NAALADL2: variants seen among roughly 807,000 people sequenced by gnomAD.
NAALADL2 encodes the protein N-acetylated alpha-linked acidic dipeptidase like 2.
In NAALADL2, 76 loss-of-function variants were observed where a neutral mutation model predicts 87.2. That is an observed-to-expected ratio of 0.87 (90% CI 0.72 to 1.05). NAALADL2 has a LOEUF of 1.05. NAALADL2 is among the 50% of genes least tolerant of loss of function. The probability of loss-of-function intolerance (pLI) is 0.00; values close to 1 mark genes in which losing one functional copy is unlikely to be tolerated. For synonymous variants in NAALADL2, 354 were observed against 331.0 expected (o/e 1.07, Z -0.75); for missense variants, 1,089 against 945.8 (o/e 1.15, Z -1.99).
intron 2 of NAALADL2, among the ~76,000 whole-genome samples, chr3:175,189,786 T>C (rs1303062091): frequency 6.6e-6 from 1 of 152,138 alleles, no homozygotes; most frequent in East Asian, 1.9e-4. Flanking sequence ...AAAACAGCAT[T>C]TGGGACATTA....
intron 11 of NAALADL2, among the ~76,000 whole-genome samples, chr3:175,638,135 G>A (rs546614381): frequency 5.3e-5 from 8 of 152,148 alleles, no homozygotes; most frequent in South Asian, 2.1e-4. Flanking sequence ...TTATTACCTC[G>A]AATCATAAGA....
intron 2 of NAALADL2, among the ~76,000 whole-genome samples, chr3:174,586,012 A>G (rs1716675468): frequency 1.3e-5 from 2 of 152,204 alleles, no homozygotes; most frequent in African/African-American, 4.8e-5. Context: ...ATATATGAAA[A>G]GTTTCTAGAA....
chr3:174,457,926 G>A (rs932497653), intron 1 of NAALADL2, among the ~76,000 whole-genome samples: 8 of 152,082 alleles, frequency 5.3e-5, no homozygotes, highest in Admixed American at 1.3e-4. Context: ...CTTATAAGTG[G>A]GAGCTAAATA....
chr3:175,393,135 G>A lies in NAALADL2; in HGVS notation c.1091-54094G>A, dbSNP rs532384478. ...TAAAAATACAAAAAATTAGCCGGGC[G>A]CGGTGGCGGGCGCCTGTAGTCCCAG... On this transcript the variant is annotated intron_variant, in intron 5 of 13. Coordinates refer to ENST00000454872, the MANE Select transcript of NAALADL2 (RefSeq NM_207015.3). 6.0e-5 allele frequency among the ~76,000 whole-genome samples: 9 copies of A among 150,680 alleles called. No homozygotes were observed. The East Asian group carries it at 1.2e-3, about 20-fold the overall frequency.
intron 5 of NAALADL2, among the ~76,000 whole-genome samples, chr3:175,442,236 C>A (rs886950132): frequency 1.2e-4 from 19 of 152,046 alleles, no homozygotes; most frequent in Non-Finnish European, 1.5e-5. Flanking sequence ...TGAGCCACCA[C>A]GCCTGGCCAA....
chr3:175,393,961 C>G (rs1769418127), intron 5 of NAALADL2, among the ~76,000 whole-genome samples: 1 of 152,094 alleles, frequency 6.6e-6, no homozygotes, highest in Non-Finnish European at 1.5e-5. Flanking sequence ...AGTACACAAG[C>G]TATTTTTTTC....
intron 10 of NAALADL2, among the ~76,000 whole-genome samples, chr3:175,627,029 A>G (rs1473106984): frequency 6.6e-6 from 1 of 151,836 alleles, no homozygotes; most frequent in African/African-American, 2.4e-5. Context: ...AAACTGTCAC[A>G]TTTCTATAAT....
chr3:175,520,593 C>T (rs1156739456), intron 9 of NAALADL2, among the ~76,000 whole-genome samples: 4 of 152,062 alleles, frequency 2.6e-5, no homozygotes, highest in South Asian at 4.1e-4. Context: ...CCACCGCGCC[C>T]GGCCCAAGAA....
intron 2 of NAALADL2, among the ~76,000 whole-genome samples, chr3:175,223,008 C>T (rs571683262): frequency 1.1e-3 from 166 of 151,728 alleles, no homozygotes; most frequent in South Asian, 5.6e-3. Context: ...ATTTAGGGTA[C>T]GCAACATAAT....
chr3:175,567,941 C>G (rs771573092), intron 9 of NAALADL2, among the ~76,000 whole-genome samples: 7 of 152,058 alleles, frequency 4.6e-5, no homozygotes, highest in Non-Finnish European at 8.8e-5. Context: ...GTCTCGAACT[C>G]CTGGCTTCAA....
At chr3:174,949,461 G>T (rs567263984) in intron 1 of NAALADL2, among the ~76,000 whole-genome samples, 1 of 152,112 alleles carries the variant, frequency 6.6e-6, no homozygotes, top group South Asian at 2.1e-4. Context: ...TGTAATGGGG[G>T]ATATTGTTGC....
At chr3:174,666,091 T>G (rs1725930246) in intron 2 of NAALADL2, among the ~76,000 whole-genome samples, 1 of 152,140 alleles carries the variant, frequency 6.6e-6, no homozygotes, top group Non-Finnish European at 1.5e-5. Flanking sequence ...AACATATCAT[T>G]TTTTGGGGTA....
intron 1 of NAALADL2, among the ~76,000 whole-genome samples, chr3:174,926,454 A>G (rs1195923467): frequency 6.6e-6 from 1 of 152,170 alleles, no homozygotes; most frequent in Non-Finnish European, 1.5e-5. Context: ...GCAGCCAGAG[A>G]GAAAGGTCGG....
chr3:175,201,956 G>A (rs187513762), intron 2 of NAALADL2, among the ~76,000 whole-genome samples: 2 of 152,140 alleles, frequency 1.3e-5, no homozygotes, highest in South Asian at 2.1e-4. Context: ...TTAACTTTAT[G>A]TATCACTTAC....
At chr3:175,410,447 T>C (rs1713285773) in intron 5 of NAALADL2, among the ~76,000 whole-genome samples, 1 of 152,108 alleles carries the variant, frequency 6.6e-6, no homozygotes, top group South Asian at 2.1e-4. Context: ...CAAAGAAAAA[T>C]TCAGGAAACA....
At chr3:174,485,514 A>G (rs1456971591) in intron 1 of NAALADL2, among the ~76,000 whole-genome samples, 2 of 150,462 alleles carry the variant, frequency 1.3e-5, no homozygotes, top group Non-Finnish European at 3.0e-5. Context: ...TGTTCTCATC[A>G]TTTAGTTCCC....
chr3:174,597,138 T>C (rs1032239479), intron 2 of NAALADL2, among the ~76,000 whole-genome samples: 1 of 152,184 alleles, frequency 6.6e-6, no homozygotes, highest in Non-Finnish European at 1.5e-5. Flanking sequence ...ACAAAATCAA[T>C]GTATGCAAAA....
chr3:175,146,507 A>T (rs1272150753), intron 2 of NAALADL2, among the ~76,000 whole-genome samples: 1 of 152,162 alleles, frequency 6.6e-6, no homozygotes. Flanking sequence ...ATGCATTAAA[A>T]AATTGTAGAT....
chr3:175,694,555 A>C (rs1008772439), intron 11 of NAALADL2, among the ~76,000 whole-genome samples: 6 of 152,144 alleles, frequency 3.9e-5, no homozygotes, highest in African/African-American at 1.4e-4. Context: ...GGGGGCATTC[A>C]TATGCAATGA....
Sources: gnomAD v4.1 joint callset for allele counts (sites outside exome capture counted in the v4.1 genomes callset) on GRCh38, gnomAD v4.1.1 for gene constraint, MANE v1.5 for transcripts, NCBI Gene and HGNC (gene_info 2026-07-23, HGNC 2026-07-21) for gene names.